Variants in PLXNB1 observed in about 807,000 individuals in gnomAD.
The protein encoded by PLXNB1 is plexin B1.
Under a neutral mutation model 209.4 loss-of-function variants are expected in PLXNB1, and 106 were observed. That is an observed-to-expected ratio of 0.51 (90% CI 0.43 to 0.59). The LOEUF is 0.59. PLXNB1 is among the 20% of genes least tolerant of loss of function. The pLI is 0.00. For synonymous variants in PLXNB1, 1,167 were observed against 1,183.2 expected, an observed-to-expected ratio of 0.99 and a Z score of 0.28; for missense variants, 2,357 against 2,853.2, an observed-to-expected ratio of 0.83 and a Z score of 3.96.
At position 48,411,904 on chromosome 3, in the gene PLXNB1, C is replaced by T. The variant is rs1310913666; in HGVS notation, c.5206G>A (p.Asp1736Asn). 5 of 1,614,148 alleles carry T rather than the reference C, an allele frequency of 3.1e-6. No homozygotes were observed. The highest frequency in any genetic ancestry group is 1.7e-5 in the Admixed American group (1 of 60,012). ...VTGKAKYTLN[D>N]NRLLREDVEY... is the part of the protein sequence containing the mutation. The stretch of plus-strand genomic sequence containing the variant: ...ACATCCTCTCTGAGCAGGCGGTTGT[C>T]GTTCAAGGTGTATTTGGCCTTGCCT... Residue 1736 changes from aspartate to asparagine, a missense_variant, in exon 28 of 38, where the codon GAC (aspartate) becomes AAC (asparagine). By Grantham distance (23) the Asp-to-Asn change is conservative (BLOSUM62 1). Coordinates refer to ENST00000296440, the MANE Select transcript of PLXNB1 (RefSeq NM_001130082.3). This position sits in a 1 kb window ranked among gnomAD's most constrained non-coding sequence, Gnocchi z 4.0.
rs538050356 is a variant in PLXNB1 at position 48,416,380 on chromosome 3, C to T, written c.3446G>A (p.Gly1149Glu). Residue 1149 changes from glycine (G) to glutamate (E), a missense_variant, in exon 17 of 38, where the codon GGA (glycine) becomes GAA (glutamate). Gly to Glu is a moderately conservative substitution (Grantham distance 98). This residue lies in a region of PLXNB1 where 743 missense variants were observed against 896.2 expected (regional missense o/e 0.83). Coordinates refer to ENST00000296440, the MANE Select transcript of PLXNB1 (RefSeq NM_001130082.3). The surrounding 1 kb of genome is among the most constrained non-coding windows in gnomAD (Gnocchi z 4.1). ...AAAGTCGTGTTCTGAGACACCACGT[C>T]CTCTTCCCGGCACCTCCACCGCTGT... ...GATAVEVPGR[G>E]RGVSEHDFAY... 6.2e-7 allele frequency: 1 copy of T among 1,613,122 alleles called. No individual in the cohort carries two copies. Among genetic ancestry groups the T allele is most frequent in the Non-Finnish European group, 8.5e-7 (1 of 1,179,880 alleles).
At chr3:48,421,456 C>T (rs2038512997) in intron 7 of PLXNB1, 72 bp from the exon 8 acceptor site, 2 of 1,459,262 alleles carry the variant, frequency 1.4e-6, no homozygotes, top group Non-Finnish European at 1.8e-6. Context: ...TATGGGACAC[C>T]CAATGTGGGC....
intron 21 of PLXNB1, 36 bp from the exon 22 acceptor site, chr3:48,414,107 C>T: frequency 6.2e-7 from 1 of 1,606,084 alleles, no homozygotes; most frequent in African/African-American, 1.3e-5. Flanking sequence ...CACTCAGGAC[C>T]CTTCCCTCAG....
At chr3:48,426,360 T>G (rs900618827) in intron 1 of PLXNB1, among the ~76,000 whole-genome samples, 3 of 152,150 alleles carry the variant, frequency 2.0e-5, no homozygotes, top group Non-Finnish European at 2.9e-5. Context: ...AGCACCAAGG[T>G]TGGTGAAGTG....
intron 21 of PLXNB1, 55 bp downstream of exon 21, chr3:48,414,744 T>C: frequency 1.3e-6 from 2 of 1,587,124 alleles, no homozygotes; most frequent in South Asian, 1.1e-5. Context: ...ACAGCAGTGC[T>C]GTCCAGCCAA....
chr3:48,411,265 A>T lies in PLXNB1; in HGVS notation c.5248-229T>A, dbSNP rs1199504202. On this transcript the variant is annotated intron_variant, in intron 28 of 37. Coordinates refer to ENST00000296440, the MANE Select transcript of PLXNB1 (RefSeq NM_001130082.3). This position sits in a 1 kb window ranked among gnomAD's most constrained non-coding sequence, Gnocchi z 4.0. ...GCACTTGTAAACCACTATGGGGTAA[A>T]TGGCAGAAAAAAATGAGTGAGCACA... 1.3e-5 allele frequency among the ~76,000 whole-genome samples: 2 copies of T among 152,186 alleles called. No homozygotes were observed. The highest frequency in any genetic ancestry group is 4.8e-5 in the African/African-American group (2 of 41,444).
chr3:48,428,816 C>T (rs2039030536), intron 1 of PLXNB1, among the ~76,000 whole-genome samples: 1 of 152,166 alleles, frequency 6.6e-6, no homozygotes, highest in African/African-American at 2.4e-5. Flanking sequence ...GAGGGTCCCC[C>T]CCACCCGCCC....
At chr3:48,404,651 T>G (rs1180792696) in intron 37 of PLXNB1, 61 bp from the exon 38 acceptor site, 6 of 1,130,476 alleles carry the variant, frequency 5.3e-6, no homozygotes, top group Non-Finnish European at 7.8e-6. Context: ...TGCTGCAAAA[T>G]TCAACAGCCC....
At position 48,413,352 on chromosome 3, in the gene PLXNB1, T is replaced by C. The variant is rs1308908099; in HGVS notation, c.4536-183A>G. On this transcript the variant is annotated intron_variant, in intron 23 of 37. Coordinates refer to ENST00000296440, the MANE Select transcript of PLXNB1 (RefSeq NM_001130082.3). The surrounding 1 kb of genome is among the most constrained non-coding windows in gnomAD (Gnocchi z 5.4). ...GTCCCAAGCAAGTCACACACACCCATGCCCCGTCTAGCCCAGCACAGTTTA... is the reference window on the plus strand; with the variant it reads ...GTCCCAAGCAAGTCACACACACCCACGCCCCGTCTAGCCCAGCACAGTTTA... The C allele has an allele frequency of 2.4e-5, 15 of 623,906 alleles. No individual in the cohort carries two copies. The highest frequency in any genetic ancestry group is 4.0e-5 in the Non-Finnish European group (14 of 352,852). The allele number at this position is 623,906 out of a possible 1,614,324, so 38.6% of individuals were successfully genotyped here.
In PLXNB1 at chr3:48,419,635, G is replaced by C; in HGVS notation, c.2651C>G (p.Pro884Arg). The C allele has an allele frequency of 1.2e-6, 2 of 1,612,594 alleles. No individual in the cohort carries two copies. Among genetic ancestry groups the C allele is most frequent in the Non-Finnish European group, 1.7e-6 (2 of 1,179,926 alleles). The stretch of plus-strand genomic sequence containing the variant: ...GTCGAGGCTGGACGGGAGGATGAGG[G>C]GGGCGGGAGGGCCCTCAAGCTCTGC... ...DSAELEGPPA[P>R]LILPSSLDYQ... The change falls in exon 11 of 38, where the codon CCC becomes CGC. Residue 884 changes from proline to arginine, a missense_variant. Around this residue, in one of 7 missense-constraint regions of PLXNB1, gnomAD observed 410 missense variants for 401.0 expected, o/e 1.02. Transcript: ENST00000296440. The surrounding 1 kb of genome is among the most constrained non-coding windows in gnomAD (Gnocchi z 5.7).
In PLXNB1 at chr3:48,416,556, CCCATGCT is replaced by C; in HGVS notation, c.3375-112_3375-106del. On this transcript the variant is annotated intron_variant, in intron 16 of 37. Transcript: ENST00000296440. The surrounding 1 kb of genome is among the most constrained non-coding windows in gnomAD (Gnocchi z 4.1). ...CCTACTGTCAGGTGGTCTTCCCCTT[CCCATGCT>C]CCATAAGATTGACAGAGACCCTCTC... is the stretch of plus-strand genomic sequence containing the variant. The C allele has an allele frequency of 6.0e-6, 4 of 668,884 alleles. No homozygotes were observed. The highest frequency in any genetic ancestry group is 1.0e-5 in the Non-Finnish European group (4 of 390,428). 41.4% of individuals were successfully genotyped at this position (668,884 alleles called of 1,614,324 possible).
intron 1 of PLXNB1, among the ~76,000 whole-genome samples, chr3:48,428,198 T>G (rs1216999915): frequency 6.6e-6 from 1 of 152,172 alleles, no homozygotes; most frequent in Non-Finnish European, 1.5e-5. Context: ...CCAAGCCACT[T>G]GGTCTCTCAA....
chr3:48,420,166 T>C lies in PLXNB1; in HGVS notation c.2120A>G (p.Asp707Gly), dbSNP rs377645403. The C allele has an allele frequency of 4.3e-5, 62 of 1,452,624 alleles. No individual in the cohort carries two copies. The African/African-American group carries it at 8.8e-4, about 21-fold the overall frequency. The allele number at this position is 1,452,624 out of a possible 1,614,324, so 90.0% of individuals were successfully genotyped here. Residue 707 changes from aspartate to glycine, a missense_variant, in exon 11 of 38, where the codon GAC (aspartate) becomes GGC (glycine). Physicochemically the swap from Asp to Gly is moderately conservative, Grantham distance 94. Around this residue, in one of 7 missense-constraint regions of PLXNB1, gnomAD observed 410 missense variants for 401.0 expected, o/e 1.02. Transcript: ENST00000296440. ...APKALATPAP[D>G]TLPVEPGAPS... ...AGCCCCAGGCTCCACGGGAAGGGTG[T>C]CAGGAGCAGGGGTGGCCAGGGCTTT...
At position 48,413,970 on chromosome 3, in the gene PLXNB1, G is replaced by A. The variant is rs749947754; in HGVS notation, c.4311C>T (p.Cys1437=). The A allele has an allele frequency of 3.0e-5, 48 of 1,613,386 alleles. No homozygotes were observed. The highest frequency in any genetic ancestry group is 8.0e-5 in the African/African-American group (6 of 74,920). Residue 1437 remains cysteine, a synonymous_variant, in exon 22 of 38, where the codon TGC becomes TGT. Transcript: ENST00000296440. This position sits in a 1 kb window ranked among gnomAD's most constrained non-coding sequence, Gnocchi z 5.4. Reference sequence around the variant, plus strand: ...GCAGGGGCTGCTCCACGGGGGGCTCGCAGTACAGGTGGTGCCGCGTCAGCG... The same window carrying A: ...GCAGGGGCTGCTCCACGGGGGGCTCACAGTACAGGTGGTGCCGCGTCAGCG... ...VKTLTRHHLY[C]EPPVEQPLPR...
Position 48,405,956 on chromosome 3 carries a change from C to T in PLXNB1, c.6229-158G>A. 1 of 616,952 alleles carries T rather than the reference C, an allele frequency of 1.6e-6. No homozygotes were observed. Among genetic ancestry groups the T allele is most frequent in the East Asian group, 3.0e-5 (1 of 33,448 alleles). 38.2% of individuals were successfully genotyped at this position (616,952 alleles called of 1,614,324 possible). ...GGGAAGCAGAGTCCCCTCCATGGCC[C>T]AGGGACCCCAGGCCAGGTGTGCCAG... On this transcript the variant is annotated intron_variant, in intron 36 of 37. Coordinates refer to ENST00000296440, the MANE Select transcript of PLXNB1 (RefSeq NM_001130082.3). The surrounding 1 kb of genome is among the most constrained non-coding windows in gnomAD (Gnocchi z 5.0).
At position 48,410,286 on chromosome 3, in the gene PLXNB1, C is replaced by G. The variant is rs776042194; in HGVS notation, c.5605+10G>C. ...CAGGGGCAGAGGACCGTGATGGGAGCGGTACTCACGCTCTCCAGGGACATA... is the reference window on the plus strand; with the variant it reads ...CAGGGGCAGAGGACCGTGATGGGAGGGGTACTCACGCTCTCCAGGGACATA... On this transcript the variant is annotated intron_variant, in intron 31 of 37. Coordinates refer to ENST00000296440, the MANE Select transcript of PLXNB1 (RefSeq NM_001130082.3). The surrounding 1 kb of genome is among the most constrained non-coding windows in gnomAD (Gnocchi z 6.4). 2 of 1,593,792 alleles carry G rather than the reference C, an allele frequency of 1.3e-6. No individual in the cohort carries two copies. Among genetic ancestry groups the G allele is most frequent in the Non-Finnish European group, 1.7e-6 (2 of 1,167,390 alleles).
At position 48,410,310 on chromosome 3, in the gene PLXNB1, T is replaced by G; in HGVS notation, c.5591A>C (p.Tyr1864Ser). Residue 1864 changes from tyrosine (Y) to serine (S), a missense_variant, in exon 31 of 38, where the codon TAT becomes TCT. By Grantham distance (144) the Tyr-to-Ser change is moderately radical (BLOSUM62 -2). This residue lies in a region of PLXNB1 where 414 missense variants were observed against 520.5 expected (regional missense o/e 0.80). Coordinates refer to ENST00000296440, the MANE Select transcript of PLXNB1 (RefSeq NM_001130082.3). The surrounding 1 kb of genome is among the most constrained non-coding windows in gnomAD (Gnocchi z 6.4). ...GCGGTACTCACGCTCTCCAGGGACATAATCCTGGTTTTCCCGGAGCACATG... is the reference window on the plus strand; with the variant it reads ...GCGGTACTCACGCTCTCCAGGGACAGAATCCTGGTTTTCCCGGAGCACATG... ...TKHVLRENQDYVPGERTPMLE... is the reference protein window; with the variant it reads ...TKHVLRENQDSVPGERTPMLE... 6.2e-7 allele frequency: 1 copy of G among 1,611,592 alleles called. No individual in the cohort carries two copies. Among genetic ancestry groups the G allele is most frequent in the Non-Finnish European group, 8.5e-7 (1 of 1,178,562 alleles).
At chr3:48,412,337 A>G in intron 26 of PLXNB1, 33 bp from the exon 27 acceptor site, 1 of 1,613,124 alleles carries the variant, frequency 6.2e-7, no homozygotes, top group Non-Finnish European at 8.5e-7. Context: ...TGCCAGGGTC[A>G]GCAGGTGGGG....
chr3:48,424,972 G>C (rs895452033), intron 2 of PLXNB1, among the ~76,000 whole-genome samples: 3 of 152,218 alleles, frequency 2.0e-5, no homozygotes, highest in Admixed American at 6.5e-5. Context: ...GCAGGTGATG[G>C]GAAGGAGGGG....
Sources: gnomAD v4.1 joint callset for allele counts (sites outside exome capture counted in the v4.1 genomes callset) on GRCh38, gnomAD v4.1.1 for gene constraint, gnomAD v4.1.1 regional missense constraint, Gnocchi (gnomAD v3.1) non-coding constraint, MANE v1.5 for transcripts, NCBI Gene and HGNC (gene_info 2026-07-23, HGNC 2026-07-21) for gene names.